Variants in SORCS2 observed in about 807,000 individuals in gnomAD.
The protein encoded by SORCS2 is sortilin related VPS10 domain containing receptor 2.
SORCS2 carries 100 observed loss-of-function variants against 141.6 expected under a neutral mutation model. That is an observed-to-expected ratio of 0.71 (90% confidence interval 0.60 to 0.83). The LOEUF (loss-of-function observed/expected upper bound fraction) is 0.83, where lower values mean the gene tolerates loss of function less well. Among genes scored for constraint, SORCS2 ranks in the 40% least tolerant of loss-of-function variants. The pLI is 0.00. For synonymous variants in SORCS2, 789 were observed against 676.9 expected (o/e 1.17, Z -2.57); for missense variants, 1,646 against 1,560.2 (o/e 1.05, Z -0.93).
chr4:7,633,320 G>A (rs1720019367), intron 3 of SORCS2, among the ~76,000 whole-genome samples: 1 of 152,166 alleles, frequency 6.6e-6, no homozygotes, highest in Non-Finnish European at 1.5e-5. Context: ...CTGGACGAGA[G>A]GCGGAGCAGG....
chr4:7,401,628 G>A (rs556368447), intron 2 of SORCS2, among the ~76,000 whole-genome samples: 10 of 152,186 alleles, frequency 6.6e-5, no homozygotes, highest in Non-Finnish European at 1.3e-4. Flanking sequence ...TTCACACTGA[G>A]CACGGCTGTT....
intron 3 of SORCS2, among the ~76,000 whole-genome samples, chr4:7,533,125 G>C (rs1356672894): frequency 6.6e-6 from 1 of 152,188 alleles, no homozygotes; most frequent in Admixed American, 6.5e-5. Context: ...CATTGGACGA[G>C]AGAGGTGAGA....
intron 1 of SORCS2, among the ~76,000 whole-genome samples, chr4:7,386,889 TAC>T (rs1383438713): frequency 1.7e-4 from 1 of 5,716 alleles, no homozygotes; most frequent in Non-Finnish European, 4.4e-4. Context: ...CACACACAGA[TAC>T]AGAGATACAC....
chr4:7,368,741 G>C lies in SORCS2; in HGVS notation c.481-27547G>C, dbSNP rs906892598. Among the ~76,000 whole-genome samples the C allele has an allele frequency of 4.6e-5, 7 of 152,338 alleles. No individual in the cohort carries two copies. The South Asian group carries it at 6.2e-4, about 14-fold the overall frequency. ...GAGGATCATGAAAACGAATGCATAA[G>C]TGATGTGGTTTGGCTGTGTCCCCAC... On this transcript the variant is annotated intron_variant, in intron 1 of 26. Coordinates refer to ENST00000507866, the MANE Select transcript of SORCS2 (RefSeq NM_020777.3).
chr4:7,426,777 C>T (rs1299566916), intron 2 of SORCS2, among the ~76,000 whole-genome samples: 3 of 152,172 alleles, frequency 2.0e-5, no homozygotes, highest in Admixed American at 1.3e-4. Flanking sequence ...TGCCCAGGGT[C>T]ACACAGGTAG....
chr4:7,653,844 C>G (rs1721586566), intron 4 of SORCS2, among the ~76,000 whole-genome samples: 1 of 152,234 alleles, frequency 6.6e-6, no homozygotes, highest in South Asian at 2.1e-4. Context: ...TATAAAGTCC[C>G]TCCCACCTTT....
intron 3 of SORCS2, among the ~76,000 whole-genome samples, chr4:7,583,091 A>T (rs1251550101): frequency 6.6e-6 from 1 of 152,236 alleles, no homozygotes; most frequent in African/African-American, 2.4e-5. Context: ...AAAATTGCCC[A>T]GAAAAGGCCC....
chr4:7,460,640 T>C (rs1729242240), intron 2 of SORCS2, among the ~76,000 whole-genome samples: 1 of 152,174 alleles, frequency 6.6e-6, no homozygotes, highest in Non-Finnish European at 1.5e-5. Flanking sequence ...CCGAGAGCTG[T>C]GTAATCGAGA....
rs541009983 is a variant in SORCS2, at chr4:7,707,442, G to C, written c.1868+3158G>C. On this transcript the variant is annotated intron_variant, in intron 14 of 26. Coordinates refer to ENST00000507866, the MANE Select transcript of SORCS2 (RefSeq NM_020777.3). ...TTTCGGGAAACTGAGATTGCGTGGG[G>C]CACAAGGACAGGGAAGAAGTGGTGA... is the stretch of plus-strand genomic sequence containing the variant. Among the ~76,000 whole-genome samples, 6 of 152,342 alleles carry C rather than the reference G, an allele frequency of 3.9e-5. No homozygotes were observed. In the East Asian group the frequency reaches 1.2e-3, roughly 29 times the overall value.
chr4:7,365,818 C>T (rs1364075423), intron 1 of SORCS2, among the ~76,000 whole-genome samples: 1 of 152,192 alleles, frequency 6.6e-6, no homozygotes, highest in Non-Finnish European at 1.5e-5. Flanking sequence ...AGAGAGCGAG[C>T]CAGGCACCTT....
chr4:7,345,476 C>T (rs13105398), intron 1 of SORCS2, among the ~76,000 whole-genome samples: 37,588 of 151,864 alleles, frequency 0.25, 4,909 homozygotes, highest in East Asian at 0.33. Context: ...TTGGGGGTCT[C>T]CTGGCTTCCT....
At chr4:7,328,018 C>CTTTTTTTTT (rs60976971) in intron 1 of SORCS2, among the ~76,000 whole-genome samples, 6 of 88,752 alleles carry the variant, frequency 6.8e-5, no homozygotes, top group African/African-American at 1.7e-4. Flanking sequence ...TCGTGCTAGG[C>CTTTTTTTTT]TTTTTTTTTT....
intron 2 of SORCS2, among the ~76,000 whole-genome samples, chr4:7,490,770 G>A (rs143096547): frequency 7.9e-5 from 12 of 152,188 alleles, no homozygotes; most frequent in East Asian, 3.9e-4. Context: ...CCCTCTCTCC[G>A]GCTGGCTGGC....
chr4:7,380,622 G>A lies in SORCS2; in HGVS notation c.481-15666G>A, dbSNP rs145662171. 2.3e-3 allele frequency among the ~76,000 whole-genome samples: 348 copies of A among 152,386 alleles called. 4 individuals carry two copies. Among genetic ancestry groups the A allele is most frequent in the African/African-American group, 8.0e-3 (331 of 41,594 alleles). ...TCCTCTGCTGACCCGTGGCTAGACTGCCTGTGGCAGCCCCCTCGTTCCTCC... is the reference window on the plus strand; with the variant it reads ...TCCTCTGCTGACCCGTGGCTAGACTACCTGTGGCAGCCCCCTCGTTCCTCC... On this transcript the variant is annotated intron_variant, in intron 1 of 26. Transcript: ENST00000507866.
At chr4:7,670,022 C>G (rs1722707462) in intron 8 of SORCS2, among the ~76,000 whole-genome samples, 1 of 152,068 alleles carries the variant, frequency 6.6e-6, no homozygotes, top group Non-Finnish European at 1.5e-5. Flanking sequence ...CTATGTGTGC[C>G]CACAGGTATT....
At chr4:7,270,605 G>T (rs1158144508) in intron 1 of SORCS2, among the ~76,000 whole-genome samples, 3 of 152,142 alleles carry the variant, frequency 2.0e-5, no homozygotes, top group African/African-American at 7.2e-5. Context: ...GAAGATTGTT[G>T]CTTAGAACAC....
At chr4:7,533,759 C>G (rs1711860458) in intron 3 of SORCS2, among the ~76,000 whole-genome samples, 1 of 152,234 alleles carries the variant, frequency 6.6e-6, no homozygotes, top group South Asian at 2.1e-4. Flanking sequence ...GACAGAGCTG[C>G]TTCTGCATGC....
intron 9 of SORCS2, 132 bp downstream of exon 9, chr4:7,676,361 G>A: frequency 1.1e-6 from 1 of 925,190 alleles, no homozygotes; most frequent in Non-Finnish European, 1.6e-6. Flanking sequence ...CACATCTTCT[G>A]TACACAGCCA....
rs535436104 is a variant in SORCS2 at position 7,320,613 on chromosome 4, A to T, written c.481-75675A>T. Among the ~76,000 whole-genome samples the T allele has an allele frequency of 1.8e-3, 269 of 152,318 alleles. 4 individuals are homozygous for T. The highest frequency in any genetic ancestry group is 1.9e-4 in the Non-Finnish European group (13 of 68,042). ...AACACAAACACAGCCACACGTCTGGATGGAGGCTGTTTCCCAGTGGAAGGC... is the reference window on the plus strand; with the variant it reads ...AACACAAACACAGCCACACGTCTGGTTGGAGGCTGTTTCCCAGTGGAAGGC... On this transcript the variant is annotated intron_variant, in intron 1 of 26. Coordinates refer to ENST00000507866, the MANE Select transcript of SORCS2 (RefSeq NM_020777.3).
Sources: gnomAD v4.1 joint callset for allele counts (sites outside exome capture counted in the v4.1 genomes callset) on GRCh38, gnomAD v4.1.1 for gene constraint, MANE v1.5 for transcripts, NCBI Gene and HGNC (gene_info 2026-07-23, HGNC 2026-07-21) for gene names.